The following TNIP1 variants were observed in gnomAD, a reference collection of about 807,000 sequenced individuals.
TNIP1 encodes the protein TNFAIP3 interacting protein 1.
TNIP1 carries 22 observed loss-of-function variants against 86.6 expected under a neutral mutation model. The ratio of observed to expected loss-of-function variants is 0.25; its 90% CI spans 0.18 to 0.36. TNIP1 has a LOEUF of 0.36. TNIP1 is among the 10% of genes least tolerant of loss of function. The pLI is 1.00. For missense variants in TNIP1, 709 were observed against 820.6 expected (o/e 0.86, Z 1.66); for synonymous variants, 294 against 313.0 (o/e 0.94, Z 0.64).
intron 8 of TNIP1, chr5:151,046,237 G>T (rs1269324237): frequency 2.3e-6 from 1 of 434,608 alleles, no homozygotes; most frequent in East Asian, 4.5e-5. Context: ...AACCTCTAAG[G>T]TACTACCAGC....
intron 11 of TNIP1, among the ~76,000 whole-genome samples, chr5:151,039,562 G>A (rs893562342): frequency 6.6e-6 from 1 of 152,150 alleles, no homozygotes; most frequent in Admixed American, 6.5e-5. Context: ...CACAGGTACG[G>A]GGTTCCTAAC....
Position 151,049,835 on chromosome 5 carries a change from C to T in TNIP1, c.835G>A (p.Gly279Arg), listed in dbSNP as rs2233296. 1 of 1,614,194 alleles carries T rather than the reference C, an allele frequency of 6.2e-7. No individual in the cohort carries two copies. Among genetic ancestry groups the T allele is most frequent in the Non-Finnish European group, 8.5e-7 (1 of 1,180,018 alleles). The stretch of plus-strand genomic sequence containing the variant: ...TTCTGACCACATACCTGCTGCTGTC[C>T]AGCCACTGCCTTCTTGCCTGTCCCT... ...MEGTGKKAVA[G>R]QQQASVTAGK... The change falls in exon 8 of 18, where the codon GGA (glycine) becomes AGA (arginine). Residue 279 changes from glycine (G) to arginine (R), a missense_variant. By Grantham distance (125) the Gly-to-Arg change is moderately radical (BLOSUM62 -2). Transcript: ENST00000521591.
intron 15 of TNIP1, among the ~76,000 whole-genome samples, chr5:151,034,175 C>T (rs1757340186): frequency 7.1e-6 from 1 of 141,400 alleles, no homozygotes; most frequent in African/African-American, 2.7e-5. Flanking sequence ...AAGGCTAGTA[C>T]ATGGGCATGG....
chr5:151,040,467 G>C (rs887325162), intron 11 of TNIP1, among the ~76,000 whole-genome samples: 4 of 152,182 alleles, frequency 2.6e-5, no homozygotes, highest in African/African-American at 9.7e-5. Context: ...GAGGCTCCCG[G>C]ATGGGCATGG....
chr5:151,079,091 G>T (rs2113840091), intron 1 of TNIP1, among the ~76,000 whole-genome samples: 1 of 152,288 alleles, frequency 6.6e-6, no homozygotes, highest in Admixed American at 6.5e-5. Flanking sequence ...AGACAAACGT[G>T]GTTACATAAG....
At chr5:151,035,530 C>CA in intron 14 of TNIP1, 52 bp downstream of exon 14, 1 of 1,613,284 alleles carries the variant, frequency 6.2e-7, no homozygotes, top group Non-Finnish European at 8.5e-7. Context: ...TCCATGCCCC[C>CA]TCTCCCCACG....
chr5:151,054,330 T>G (rs1175012048), intron 6 of TNIP1, among the ~76,000 whole-genome samples: 1 of 152,174 alleles, frequency 6.6e-6, no homozygotes, highest in Non-Finnish European at 1.5e-5. Context: ...GAAGGCTGAA[T>G]GGAGGACACA....
chr5:151,032,432 C>A (rs1463379370), intron 16 of TNIP1, 49 bp from the exon 17 acceptor site: 2 of 1,549,494 alleles, frequency 1.3e-6, no homozygotes, highest in African/African-American at 1.4e-5. Context: ...CCAAAAATTA[C>A]AATAGCACCT....
chr5:151,050,195 C>T (rs57020396), intron 7 of TNIP1, among the ~76,000 whole-genome samples: 1,588 of 152,336 alleles, frequency 0.01, 31 homozygotes, highest in South Asian at 0.095. Flanking sequence ...CAAGACCTTC[C>T]GGATATATCC....
At chr5:151,032,134 G>T in intron 17 of TNIP1, 153 bp downstream of exon 17, 1 of 631,250 alleles carries the variant, frequency 1.6e-6, no homozygotes, top group Non-Finnish European at 2.8e-6. Context: ...CTCTGTGGTT[G>T]CCATTACTCT....
In TNIP1 at chr5:151,065,004, T is replaced by C. The variant is rs1762059624; in HGVS notation, c.92A>G (p.Glu31Gly). Residue 31 changes from glutamate to glycine, a missense_variant, in exon 2 of 18, where the codon GAG becomes GGG. Coordinates refer to ENST00000521591, the MANE Select transcript of TNIP1 (RefSeq NM_006058.5). ...ASAAFERLVK[E>G]NSRLKEKMQG... ...CATTTTTTCCTTCAGCCGGGAATTC[T>C]CCTTCACTAGGCGCTCAAAAGCTGC... 1 of 1,614,108 alleles carries C rather than the reference T, an allele frequency of 6.2e-7. No homozygotes were observed. Among genetic ancestry groups the C allele is most frequent in the Non-Finnish European group, 8.5e-7 (1 of 1,180,030 alleles).
upstream of TNIP1, among the ~76,000 whole-genome samples, chr5:151,085,036 C>T (rs1303803101): frequency 6.6e-6 from 1 of 152,196 alleles, no homozygotes; most frequent in Non-Finnish European, 1.5e-5. Flanking sequence ...TATCCAGCTC[C>T]CAAATACCTG....
At chr5:151,051,768 C>T (rs1320459075) in intron 7 of TNIP1, among the ~76,000 whole-genome samples, 1 of 152,168 alleles carries the variant, frequency 6.6e-6, no homozygotes, top group Non-Finnish European at 1.5e-5. Context: ...TAAGTCTAAG[C>T]CCCCTAGTCC....
intron 9 of TNIP1, among the ~76,000 whole-genome samples, chr5:151,043,164 C>A (rs757337332): frequency 6.6e-6 from 1 of 152,164 alleles, no homozygotes; most frequent in Non-Finnish European, 1.5e-5. Flanking sequence ...TTTTACCTTG[C>A]CAGGAAAGCA....
rs1274422358 is a variant in TNIP1 at position 151,062,143 on chromosome 5, T to C, written c.341A>G (p.Gln114Arg). The C allele has an allele frequency of 1.2e-6, 2 of 1,614,060 alleles. No homozygotes were observed. The highest frequency in any genetic ancestry group is 2.7e-5 in the African/African-American group (2 of 74,928). The change falls in exon 4 of 18, where the codon CAG becomes CGG. Residue 114 changes from glutamine (Q) to arginine (R), a missense_variant. Gln to Arg is a conservative substitution (Grantham distance 43). Transcript: ENST00000521591. ...AAAACTTACACTGGATGGAGGCTTC[T>C]GGACTGGTGCTGGCTTGTCACTGGG... ...ACPSDKPAPV[Q>R]KPPSSGTSSE...
chr5:151,044,172 A>G (rs954593058), intron 9 of TNIP1, among the ~76,000 whole-genome samples: 13 of 152,008 alleles, frequency 8.6e-5, no homozygotes, highest in African/African-American at 3.1e-4. Flanking sequence ...AGCTCCCCCA[A>G]GTAGCCGAGA....
In TNIP1 at chr5:151,052,201, C is replaced by T. The variant is rs777286257; in HGVS notation, c.686G>A (p.Gly229Asp). The T allele has an allele frequency of 6.2e-7, 1 of 1,614,096 alleles. No individual in the cohort carries two copies. The highest frequency in any genetic ancestry group is 8.5e-7 in the Non-Finnish European group (1 of 1,180,004). ...NEALKAKLDK[G>D]LEQRDQAAER... Reference sequence around the variant, plus strand: ...GGCAGCCTGATCCCGCTGTTCCAGGCCCTTATCCAACTTGGCCTTCAGAGC... The same window carrying T: ...GGCAGCCTGATCCCGCTGTTCCAGGTCCTTATCCAACTTGGCCTTCAGAGC... Residue 229 changes from glycine to aspartate, a missense_variant, in exon 7 of 18, where the codon GGC (glycine) becomes GAC (aspartate). Physicochemically the swap from Gly to Asp is moderately conservative, Grantham distance 94. Coordinates refer to ENST00000521591, the MANE Select transcript of TNIP1 (RefSeq NM_006058.5).
intron 8 of TNIP1, among the ~76,000 whole-genome samples, chr5:151,046,932 G>A (rs1261654394): frequency 6.6e-6 from 1 of 152,190 alleles, no homozygotes; most frequent in Non-Finnish European, 1.5e-5. Context: ...GGAAGAATGA[G>A]GAAAATATGA....
chr5:151,046,101 G>A, intron 8 of TNIP1, 151 bp from the exon 9 acceptor site: 2 of 653,486 alleles, frequency 3.1e-6, no homozygotes, highest in Non-Finnish European at 5.4e-6. Flanking sequence ...AACCATCCCA[G>A]TCATGACTAC....
Sources: allele counts gnomAD v4.1 joint callset (sites outside exome capture counted in the v4.1 genomes callset), GRCh38; gene constraint gnomAD v4.1.1; transcripts MANE v1.5; gene names NCBI Gene and HGNC (gene_info 2026-07-23, HGNC 2026-07-21).